CORIN: variants seen among roughly 807,000 people sequenced by gnomAD.
CORIN encodes corin, serine peptidase, also known as atrial natriuretic peptide-converting enzyme.
Under a neutral mutation model 125.3 loss-of-function variants are expected in CORIN, and 117 were observed. The observed-to-expected ratio is 0.93, with a 90% CI of 0.80 to 1.09. The LOEUF (loss-of-function observed/expected upper bound fraction) is 1.09, where lower values mean the gene tolerates loss of function less well. Among genes scored for constraint, CORIN ranks in the 50% least tolerant of loss-of-function variants. The probability of loss-of-function intolerance (pLI) is 0.00; values close to 1 mark genes in which losing one functional copy is unlikely to be tolerated. For missense variants in CORIN, 1,253 were observed against 1,306.7 expected (o/e 0.96, Z 0.63); for synonymous variants, 450 against 466.4 (o/e 0.96, Z 0.45).
intron 2 of CORIN, among the ~76,000 whole-genome samples, chr4:47,796,321 C>T (rs1476086650): frequency 6.6e-6 from 1 of 151,936 alleles, no homozygotes; most frequent in African/African-American, 2.4e-5. Flanking sequence ...ATGGATGAAC[C>T]TGGGGGCCAT....
intron 1 of CORIN, among the ~76,000 whole-genome samples, chr4:47,823,568 GTATT>G (rs754798652): frequency 4.5e-4 from 69 of 152,224 alleles, no homozygotes; most frequent in Non-Finnish European, 8.7e-4. Context: ...ATAGGCCTCT[GTATT>G]TATTTCTATA....
At chr4:47,807,624 C>T (rs933116188) in intron 1 of CORIN, among the ~76,000 whole-genome samples, 6 of 152,292 alleles carry the variant, frequency 3.9e-5, no homozygotes, top group Middle Eastern at 3.4e-3. Context: ...GCCAATTAAA[C>T]GCTAACAACT....
Position 47,744,433 on chromosome 4 carries a change from G to C in CORIN, c.768C>G (p.Cys256Trp). 2 of 1,614,018 alleles carry C rather than the reference G, an allele frequency of 1.2e-6. No homozygotes were observed. Among genetic ancestry groups the C allele is most frequent in the Non-Finnish European group, 1.7e-6 (2 of 1,179,956 alleles). Residue 256 changes from cysteine (C) to tryptophan (W), a missense_variant, in exon 5 of 22, where the codon TGC (cysteine) becomes TGG (tryptophan). By Grantham distance (215) the Cys-to-Trp change is radical. Transcript: ENST00000273857. ...QTESSNVSRI[C>W]FSPQQENGKQ... Reference sequence around the variant, plus strand: ...TTCCGTTTTCCTGCTGAGGTGAGAAGCAAATTCTGCTGACATTGCTGCTTT... The same window carrying C: ...TTCCGTTTTCCTGCTGAGGTGAGAACCAAATTCTGCTGACATTGCTGCTTT...
chr4:47,741,473 T>C (rs1728393713), intron 5 of CORIN, among the ~76,000 whole-genome samples: 1 of 152,008 alleles, frequency 6.6e-6, no homozygotes, highest in African/African-American at 2.4e-5. Flanking sequence ...TCATACATTG[T>C]TTGTAGGAAT....
chr4:47,721,564 C>T (rs1295575963), intron 5 of CORIN, among the ~76,000 whole-genome samples: 1 of 152,182 alleles, frequency 6.6e-6, no homozygotes, highest in Non-Finnish European at 1.5e-5. Context: ...CCACTGCACC[C>T]AGCCCATAAC....
intron 13 of CORIN, among the ~76,000 whole-genome samples, chr4:47,653,313 G>A (rs576174635): frequency 2.1e-4 from 32 of 152,212 alleles, no homozygotes; most frequent in African/African-American, 7.2e-4. Context: ...ATATCCCTAC[G>A]GATAAGGGGG....
At position 47,832,475 on chromosome 4, in the gene CORIN, C is replaced by T. The variant is rs768710144; in HGVS notation, c.63+5412G>A. 1.2e-3 allele frequency among the ~76,000 whole-genome samples: 149 copies of T among 129,502 alleles called. 2 individuals carry two copies. Among genetic ancestry groups the T allele is most frequent in the Non-Finnish European group, 1.4e-3 (90 of 63,970 alleles). 85.0% of individuals were successfully genotyped at this position (129,502 alleles called of 152,430 possible). ...TTTTTTTTTTTTTGAGATGGAGTCT[C>T]GCTCTATCACCCAGGCCGGAGTGCA... On this transcript the variant is annotated intron_variant, in intron 1 of 21. Coordinates refer to ENST00000273857, the MANE Select transcript of CORIN (RefSeq NM_006587.4).
intron 5 of CORIN, among the ~76,000 whole-genome samples, chr4:47,712,345 C>T (rs1385404863): frequency 2.0e-5 from 3 of 152,146 alleles, no homozygotes; most frequent in Non-Finnish European, 4.4e-5. Context: ...TTAAGTGGGA[C>T]ACTCTCCACT....
intron 2 of CORIN, among the ~76,000 whole-genome samples, chr4:47,792,812 A>G (rs1731137301): frequency 6.6e-6 from 1 of 152,226 alleles, no homozygotes; most frequent in Admixed American, 6.5e-5. Context: ...CAAAGGCTCA[A>G]GATGGTGGCT....
intron 2 of CORIN, among the ~76,000 whole-genome samples, chr4:47,804,903 G>T (rs1195312498): frequency 6.6e-6 from 1 of 151,840 alleles, no homozygotes; most frequent in Non-Finnish European, 1.5e-5. Flanking sequence ...TTGGGAGGCC[G>T]AGACGGGTGG....
intron 5 of CORIN, among the ~76,000 whole-genome samples, chr4:47,708,274 C>T (rs1343380244): frequency 6.6e-6 from 1 of 152,180 alleles, no homozygotes; most frequent in Non-Finnish European, 1.5e-5. Context: ...GCAAAGCTGT[C>T]TTCTAGAGGC....
At chr4:47,629,015 A>C (rs1722700436) in intron 16 of CORIN, among the ~76,000 whole-genome samples, 1 of 152,144 alleles carries the variant, frequency 6.6e-6, no homozygotes, top group Non-Finnish European at 1.5e-5. Context: ...GAGAGTGCAG[A>C]TGTCTTTTTG....
At chr4:47,725,794 G>A (rs1288788966) in intron 5 of CORIN, among the ~76,000 whole-genome samples, 1 of 151,988 alleles carries the variant, frequency 6.6e-6, no homozygotes, top group Non-Finnish European at 1.5e-5. Flanking sequence ...ACTGTGAAGA[G>A]AATGAAAAGA....
In CORIN at chr4:47,603,460, C is replaced by A. The variant is rs375025720; in HGVS notation, c.2749G>T (p.Glu917Ter). The change falls in exon 20 of 22, where the codon GAG becomes TAG. Residue 917 changes from glutamate (E) to a stop codon, truncating the protein, a stop_gained. Coordinates refer to ENST00000273857, the MANE Select transcript of CORIN (RefSeq NM_006587.4). LOFTEE classifies it high-confidence loss of function. The stretch of plus-strand genomic sequence containing the variant: ...TACGTGTCAGGCTCTAGCCACTGCT[C>A]CGGGTTGGGCAAGCAGACAGGCCGG... ...YVRPVCLPNP[E>*]QWLEPDTYCY... 6.2e-7 allele frequency: 1 copy of A among 1,614,048 alleles called. No individual in the cohort carries two copies. The highest frequency in any genetic ancestry group is 1.3e-5 in the African/African-American group (1 of 74,918).
At chr4:47,665,745 A>G (rs1724451028) in intron 10 of CORIN, among the ~76,000 whole-genome samples, 1 of 152,190 alleles carries the variant, frequency 6.6e-6, no homozygotes, top group African/African-American at 2.4e-5. Context: ...TAAGGCTACA[A>G]GATTTCAGGG....
intron 3 of CORIN, among the ~76,000 whole-genome samples, chr4:47,770,768 C>T (rs1445387993): frequency 6.6e-6 from 1 of 152,026 alleles, no homozygotes; most frequent in Non-Finnish European, 1.5e-5. Flanking sequence ...GTGAAATCAA[C>T]TAAGCACAAA....
intron 2 of CORIN, among the ~76,000 whole-genome samples, chr4:47,803,494 G>T (rs1285658793): frequency 6.6e-6 from 1 of 152,132 alleles, no homozygotes; most frequent in Non-Finnish European, 1.5e-5. Flanking sequence ...CATGATACTG[G>T]CATACAAACA....
intron 6 of CORIN, among the ~76,000 whole-genome samples, chr4:47,691,021 T>C (rs1725742920): frequency 3.3e-5 from 5 of 152,234 alleles, no homozygotes. Flanking sequence ...TCTATTTTCC[T>C]TAATAAATGC....
At chr4:47,628,075 A>C (rs1266450779) in intron 16 of CORIN, among the ~76,000 whole-genome samples, 1 of 152,202 alleles carries the variant, frequency 6.6e-6, no homozygotes, top group Non-Finnish European at 1.5e-5. Flanking sequence ...TAAGTGGAAA[A>C]TTTAAGAAAT....
Sources: gnomAD v4.1 joint callset for allele counts (sites outside exome capture counted in the v4.1 genomes callset) on GRCh38, gnomAD v4.1.1 for gene constraint, MANE v1.5 for transcripts, NCBI Gene and HGNC (gene_info 2026-07-23, HGNC 2026-07-21) for gene names.